AGBL1: variants seen among roughly 807,000 people sequenced by gnomAD.
AGBL1 encodes cytosolic carboxypeptidase 4.
AGBL1 carries 130 observed loss-of-function variants against 118.9 expected under a neutral mutation model. That is an observed-to-expected ratio of 1.09 (90% CI 0.95 to 1.26). AGBL1 has a LOEUF of 1.26. Ranked by LOEUF, AGBL1 falls within the 50% of genes most tolerant of loss-of-function variation. AGBL1 has a pLI of 0.00. For missense variants in AGBL1, 1,584 were observed against 1,298.1 expected, an observed-to-expected ratio of 1.22 and a Z score of -3.38; for synonymous variants, 555 against 478.9, an observed-to-expected ratio of 1.16 and a Z score of -2.08.
chr15:86,271,489 T>C lies in AGBL1; in HGVS notation c.1988-130T>C, dbSNP rs376693635. On this transcript the variant is annotated intron_variant, in intron 14 of 22. Transcript: ENST00000614907. ...TCCTTAACTTAATCATATCTGCAAA[T>C]CTCTTTGGCGATATATAGTTAACAG... 2.5e-5 allele frequency: 18 copies of C among 724,734 alleles called. No individual in the cohort carries two copies. In the African/African-American group the frequency reaches 3.0e-4, roughly 12 times the overall value. The allele number at this position is 724,734 out of a possible 1,614,324, so 44.9% of individuals were successfully genotyped here.
intron 17 of AGBL1, among the ~76,000 whole-genome samples, chr15:86,298,729 C>T (rs1175296114): frequency 6.6e-6 from 1 of 152,104 alleles, no homozygotes; most frequent in Non-Finnish European, 1.5e-5. Flanking sequence ...GTCACTCACC[C>T]CTCATAAGGA....
In AGBL1 at chr15:86,907,444, G is replaced by A. The variant is rs1245770605; in HGVS notation, c.*150G>A. The A allele has an allele frequency of 1.3e-5, 2 of 152,218 alleles. No individual in the cohort carries two copies. The highest frequency in any genetic ancestry group is 4.8e-5 in the African/African-American group (2 of 41,418). The allele number at this position is 152,218 out of a possible 1,614,324, so 9.4% of individuals were successfully genotyped here. ...CTCAGCAACCCCATTTCCAGATTTT[G>A]TTCTAGTTTCCCTATGCGTAGAAGC... On this transcript the variant is annotated 3_prime_UTR_variant, in exon 23 of 23. Coordinates refer to ENST00000614907, the MANE Select transcript of AGBL1 (RefSeq NM_001386094.1).
chr15:86,937,211 A>G (rs1347621115), intron 23 of AGBL1, among the ~76,000 whole-genome samples: 2 of 152,242 alleles, frequency 1.3e-5, no homozygotes, highest in African/African-American at 4.8e-5. Flanking sequence ...GTGGGAGTGT[A>G]AATTAGTTCA....
At chr15:86,633,366 C>T (rs1203183452) in intron 21 of AGBL1, among the ~76,000 whole-genome samples, 3 of 152,016 alleles carry the variant, frequency 2.0e-5, no homozygotes, top group Non-Finnish European at 4.4e-5. Flanking sequence ...AATATGGTCA[C>T]CTGCTGCTAA....
At position 86,615,856 on chromosome 15, in the gene AGBL1, A is replaced by G. The variant is rs771650605; in HGVS notation, c.2995-58417A>G. Among the ~76,000 whole-genome samples the G allele has an allele frequency of 1.3e-5, 2 of 152,110 alleles. No individual in the cohort carries two copies. Among genetic ancestry groups the G allele is most frequent in the Non-Finnish European group, 2.9e-5 (2 of 68,022 alleles). On this transcript the variant is annotated intron_variant, in intron 21 of 22. Transcript: ENST00000614907. The surrounding 1 kb of genome is among the most constrained non-coding windows in gnomAD (Gnocchi z 4.3). The stretch of plus-strand genomic sequence containing the variant: ...ACTGTTGTAAAATGAAAAATTAATT[A>G]ATAGGGATGACAGTGTTGGGGTTAT...
intron 22 of AGBL1, among the ~76,000 whole-genome samples, chr15:86,835,055 C>T (rs2079152606): frequency 6.6e-6 from 1 of 152,138 alleles, no homozygotes. Flanking sequence ...ACTCTCTTGT[C>T]TGAGTCACTT....
At chr15:86,472,835 C>T (rs1308778073) in intron 18 of AGBL1, among the ~76,000 whole-genome samples, 3 of 152,132 alleles carry the variant, frequency 2.0e-5, no homozygotes, top group African/African-American at 4.8e-5. Context: ...AGAAGAATTG[C>T]TTGAGCCCAA....
At chr15:86,828,383 T>G (rs2079061037) in intron 22 of AGBL1, among the ~76,000 whole-genome samples, 1 of 152,138 alleles carries the variant, frequency 6.6e-6, no homozygotes. Context: ...GCAAATGTGA[T>G]TAAGTGTAGA....
chr15:86,539,970 AG>A (rs1248655418), intron 19 of AGBL1, among the ~76,000 whole-genome samples: 2 of 152,206 alleles, frequency 1.3e-5, no homozygotes, highest in African/African-American at 4.8e-5. Context: ...AGAAATGAAA[AG>A]TGTTTTAAAA....
intron 22 of AGBL1, among the ~76,000 whole-genome samples, chr15:86,731,375 G>T (rs1048897874): frequency 2.1e-4 from 32 of 152,254 alleles, no homozygotes; most frequent in African/African-American, 6.7e-4. Context: ...TAAGACTAGA[G>T]ATTCTCCACC....
intron 17 of AGBL1, among the ~76,000 whole-genome samples, chr15:86,341,375 G>A (rs377373583): frequency 3.3e-5 from 3 of 90,468 alleles, no homozygotes; most frequent in East Asian, 4.6e-4. Flanking sequence ...TAGGATGTAG[G>A]AGGCAAAACA....
intron 21 of AGBL1, among the ~76,000 whole-genome samples, chr15:86,633,623 C>A (rs1189242337): frequency 2.0e-5 from 3 of 150,822 alleles, no homozygotes; most frequent in African/African-American, 7.3e-5. Context: ...TGAATTAATC[C>A]CAAGGGAGTA....
chr15:87,013,453 C>G (rs2081581681), intron 24 of AGBL1, among the ~76,000 whole-genome samples: 1 of 151,980 alleles, frequency 6.6e-6, no homozygotes, highest in African/African-American at 2.4e-5. Flanking sequence ...AGAGGTGGCC[C>G]AAACATTCTT....
At chr15:86,489,405 A>C (rs1372022915) in intron 18 of AGBL1, among the ~76,000 whole-genome samples, 1 of 152,164 alleles carries the variant, frequency 6.6e-6, no homozygotes, top group Non-Finnish European at 1.5e-5. Flanking sequence ...CACATATATC[A>C]TCTGACTTGA....
chr15:86,269,931 C>A lies in AGBL1; in HGVS notation c.1851C>A (p.Asp617Glu). The A allele has an allele frequency of 6.2e-7, 1 of 1,613,742 alleles. No individual in the cohort carries two copies. Among genetic ancestry groups the A allele is most frequent in the Non-Finnish European group, 8.5e-7 (1 of 1,179,776 alleles). ...TTCTGATCTGCAGGTTCGAGTATGACTTGCTGGTCAACGCAGATGTGAATA... is the reference window on the plus strand; with the variant it reads ...TTCTGATCTGCAGGTTCGAGTATGAATTGCTGGTCAACGCAGATGTGAATA... Reference protein sequence around the residue: ...KAIQVREFEYDLLVNADVNST... With the variant: ...KAIQVREFEYELLVNADVNST... Residue 617 changes from aspartate (D) to glutamate (E), a missense_variant, in exon 14 of 23, where the codon GAC (aspartate) becomes GAA (glutamate). By Grantham distance (45) the Asp-to-Glu change is conservative (BLOSUM62 2). Coordinates refer to ENST00000614907, the MANE Select transcript of AGBL1 (RefSeq NM_001386094.1).
chr15:86,401,972 C>A (rs1395822768), intron 18 of AGBL1, among the ~76,000 whole-genome samples: 1 of 151,810 alleles, frequency 6.6e-6, no homozygotes, highest in East Asian at 1.9e-4. Context: ...ATTGTTTTTT[C>A]TAGTTCTTTG....
chr15:86,801,905 G>A (rs1465265016), intron 22 of AGBL1, among the ~76,000 whole-genome samples: 1 of 152,254 alleles, frequency 6.6e-6, no homozygotes, highest in Middle Eastern at 3.4e-3. Context: ...GGGAATGGGA[G>A]TCAGAATCTG....
At position 86,836,694 on chromosome 15, in the gene AGBL1, C is replaced by T. The variant is rs564344273; in HGVS notation, c.3159-70393C>T. Among the ~76,000 whole-genome samples the T allele has an allele frequency of 1.9e-3, 289 of 151,996 alleles. 1 individual carries two copies. The highest frequency in any genetic ancestry group is 3.4e-3 in the Non-Finnish European group (231 of 67,982). On this transcript the variant is annotated intron_variant, in intron 22 of 22. Coordinates refer to ENST00000614907, the MANE Select transcript of AGBL1 (RefSeq NM_001386094.1). Reference sequence around the variant, plus strand: ...TGCCTCTCTCACCTCATATGGGTACCCTCCCCCTCACCTTCACCACATGTT... The same window carrying T: ...TGCCTCTCTCACCTCATATGGGTACTCTCCCCCTCACCTTCACCACATGTT...
intron 22 of AGBL1, among the ~76,000 whole-genome samples, chr15:86,683,999 G>C (rs1032473803): frequency 6.6e-6 from 1 of 151,966 alleles, no homozygotes; most frequent in Admixed American, 6.6e-5. Context: ...AGTCCTTTAG[G>C]TCAAAGCCAT....
Sources: allele counts gnomAD v4.1 joint callset (sites outside exome capture counted in the v4.1 genomes callset), GRCh38; gene constraint gnomAD v4.1.1; non-coding constraint Gnocchi (gnomAD v3.1); transcripts MANE v1.5; gene names NCBI Gene and HGNC (gene_info 2026-07-23, HGNC 2026-07-21).